Variants in PCDHGA3 observed in about 807,000 individuals in gnomAD.
PCDHGA3 encodes protocadherin gamma-A3.
PCDHGA3 carries 40 observed loss-of-function variants against 58.5 expected under a neutral mutation model. The observed-to-expected ratio is 0.68, with a 90% CI of 0.53 to 0.89. PCDHGA3 has a LOEUF of 0.89. PCDHGA3 is among the 40% of genes least tolerant of loss of function. PCDHGA3 has a pLI of 0.00. For missense variants in PCDHGA3, 1,223 were observed against 1,195.9 expected (o/e 1.02, Z -0.33); for synonymous variants, 530 against 525.7 (o/e 1.01, Z -0.11).
In PCDHGA3 at chr5:141,472,879, G is replaced by A. The variant is rs541980402; in HGVS notation, c.2425-21928G>A. Among the ~76,000 whole-genome samples the A allele has an allele frequency of 3.3e-5, 5 of 151,694 alleles. No homozygotes were observed. The South Asian group carries it at 6.2e-4, about 19-fold the overall frequency. ...CACATGCCTGTATTCCCAGCTACTC[G>A]GGAGGCTGAGGCAGGAGAATTGCTT... On this transcript the variant is annotated intron_variant, in intron 1 of 3. Coordinates refer to ENST00000253812, the MANE Select transcript of PCDHGA3 (RefSeq NM_018916.4).
At chr5:141,464,580 G>A (rs1459502164) in intron 1 of PCDHGA3, among the ~76,000 whole-genome samples, 1 of 152,118 alleles carries the variant, frequency 6.6e-6, no homozygotes, top group East Asian at 1.9e-4. Context: ...AGATGAGAAT[G>A]TCCATTGTCC....
chr5:141,475,705 A>G (rs2099367264), intron 1 of PCDHGA3, among the ~76,000 whole-genome samples: 1 of 152,246 alleles, frequency 6.6e-6, no homozygotes. Flanking sequence ...CAGAACGGCT[A>G]GCCTCACAGC....
At chr5:141,418,752 C>T (rs2096284996) in intron 1 of PCDHGA3, 1 of 1,613,874 alleles carries the variant, frequency 6.2e-7, no homozygotes, top group African/African-American at 1.3e-5. Flanking sequence ...GATTACACTA[C>T]AGGAAACATT....
At chr5:141,409,104 T>C in intron 1 of PCDHGA3, 3 of 1,613,960 alleles carry the variant, frequency 1.9e-6, no homozygotes, top group Non-Finnish European at 2.5e-6. Context: ...ACAGGTATGA[T>C]TAAGAATAAC....
intron 1 of PCDHGA3, chr5:141,398,283 G>A (rs1470207042): frequency 7.2e-7 from 1 of 1,396,846 alleles, no homozygotes; most frequent in East Asian, 2.5e-5. Context: ...ACCTCGCCAC[G>A]GACCTGGGGT....
At chr5:141,359,496 TACTAGATAACTATATTATGGGCC>T (rs1761233589) in intron 1 of PCDHGA3, among the ~76,000 whole-genome samples, 2 of 151,226 alleles carry the variant, frequency 1.3e-5, no homozygotes, top group East Asian at 3.9e-4. Context: ...TATTACGGAC[TACTAGATAACTATATTATGGGCC>T]ACTAGATAAC....
At chr5:141,354,251 A>G (rs1394196546) in intron 1 of PCDHGA3, among the ~76,000 whole-genome samples, 2 of 152,036 alleles carry the variant, frequency 1.3e-5, no homozygotes, top group East Asian at 1.9e-4. Flanking sequence ...TTATTTACCC[A>G]TTGTTTTAGG....
intron 3 of PCDHGA3, among the ~76,000 whole-genome samples, chr5:141,506,444 CA>C (rs1219684339): frequency 0.54 from 51,660 of 95,006 alleles, 10,715 homozygotes; most frequent in African/African-American, 0.61. Context: ...CGCTCTGTCT[CA>C]AAAAAAAAAA....
rs1173771781 is a variant in PCDHGA3 at position 141,486,312 on chromosome 5, G to A, written c.2425-8495G>A. Reference sequence around the variant, plus strand: ...ATCAGTGTGCAGGATCCAGACTCAGGGTCAAACGGAGATGTGAGCCTCCGC... The same window carrying A: ...ATCAGTGTGCAGGATCCAGACTCAGAGTCAAACGGAGATGTGAGCCTCCGC... On this transcript the variant is annotated intron_variant, in intron 1 of 3. Coordinates refer to ENST00000253812, the MANE Select transcript of PCDHGA3 (RefSeq NM_018916.4). The surrounding 1 kb of genome is among the most constrained non-coding windows in gnomAD (Gnocchi z 5.0). The A allele has an allele frequency of 1.2e-6, 2 of 1,613,864 alleles. No individual in the cohort carries two copies. Among genetic ancestry groups the A allele is most frequent in the African/African-American group, 1.3e-5 (1 of 74,842 alleles).
chr5:141,381,844 T>TTTTTTTTC, intron 1 of PCDHGA3, among the ~76,000 whole-genome samples: 1 of 145,182 alleles, frequency 6.9e-6, no homozygotes. Context: ...TTTTTTTTTT[T>TTTTTTTTC]TTTTGGCAGA....
chr5:141,365,803 G>C, intron 1 of PCDHGA3: 6 of 1,613,862 alleles, frequency 3.7e-6, no homozygotes, highest in South Asian at 1.1e-5. Flanking sequence ...CCTACTCCCT[G>C]GCTGAAGACA....
At chr5:141,467,693 G>C (rs543886467) in intron 1 of PCDHGA3, among the ~76,000 whole-genome samples, 49 of 152,108 alleles carry the variant, frequency 3.2e-4, no homozygotes, top group African/African-American at 1.1e-3. Flanking sequence ...ACAGGGTCTG[G>C]CTCTGTTGCC....
At chr5:141,437,445 T>C (rs187869679) in intron 1 of PCDHGA3, among the ~76,000 whole-genome samples, 1 of 152,348 alleles carries the variant, frequency 6.6e-6, no homozygotes, top group East Asian at 1.9e-4. Flanking sequence ...CATAGGAATG[T>C]TGAGGAGACT....
rs200367564 is a variant in PCDHGA3, at chr5:141,346,015, C to T, written c.1982C>T (p.Thr661Ile). 1.3e-3 allele frequency: 2,059 copies of T among 1,612,574 alleles called. 1 individual carries two copies. The highest frequency in any genetic ancestry group is 1.7e-3 in the Non-Finnish European group (1,972 of 1,179,782). The change falls in exon 1 of 4, where the codon ACC becomes ATC. Residue 661 changes from threonine (T) to isoleucine (I), a missense_variant. Around this residue, in one of 3 missense-constraint regions of PCDHGA3, gnomAD observed 107 missense variants for 159.8 expected, o/e 0.67. Coordinates refer to ENST00000253812, the MANE Select transcript of PCDHGA3 (RefSeq NM_018916.4). ...CCTCTCTCCGCCACTGTCACGCTCACCGTGGCCGTGGCCGACAGGATCCCC... is the reference window on the plus strand; with the variant it reads ...CCTCTCTCCGCCACTGTCACGCTCATCGTGGCCGTGGCCGACAGGATCCCC... ...QPPLSATVTL[T>I]VAVADRIPDI...
At position 141,346,354 on chromosome 5, in the gene PCDHGA3, A is replaced by G. The variant is rs373196801; in HGVS notation, c.2321A>G (p.Asn774Ser). The G allele has an allele frequency of 5.6e-6, 9 of 1,614,068 alleles. No individual in the cohort carries two copies. Among genetic ancestry groups the G allele is most frequent in the South Asian group, 3.3e-5 (3 of 91,088 alleles). ...AGCCACCTGATTTTCCCCCAGCCCA[A>G]CTATGCGGACACGCTCATCAGCCAG... ...RKSHLIFPQP[N>S]YADTLISQES... Residue 774 changes from asparagine to serine, a missense_variant, in exon 1 of 4, where the codon AAC (asparagine) becomes AGC (serine). This residue lies in a region of PCDHGA3 where 325 missense variants were observed against 327.5 expected (regional missense o/e 0.99). Transcript: ENST00000253812.
intron 1 of PCDHGA3, chr5:141,366,251 A>T: frequency 6.2e-7 from 1 of 1,613,620 alleles, no homozygotes; most frequent in East Asian, 2.2e-5. Flanking sequence ...GCTCAAGCAG[A>T]GCCTCGTGGT....
At position 141,485,971 on chromosome 5, in the gene PCDHGA3, C is replaced by T; in HGVS notation, c.2425-8836C>T. On this transcript the variant is annotated intron_variant, in intron 1 of 3. Transcript: ENST00000253812. This position sits in a 1 kb window ranked among gnomAD's most constrained non-coding sequence, Gnocchi z 5.7. Reference sequence around the variant, plus strand: ...GCATGGTGCTCATCCAGCTCAATGCCTCAGACCCGGACCTGGGTCCCAGTG... The same window carrying T: ...GCATGGTGCTCATCCAGCTCAATGCTTCAGACCCGGACCTGGGTCCCAGTG... The T allele has an allele frequency of 6.2e-7, 1 of 1,614,196 alleles. No individual in the cohort carries two copies. The highest frequency in any genetic ancestry group is 8.5e-7 in the Non-Finnish European group (1 of 1,180,042).
At chr5:141,421,017 T>TGC (rs1489188484) in intron 1 of PCDHGA3, 1 of 518,776 alleles carries the variant, frequency 1.9e-6, no homozygotes, top group African/African-American at 2.0e-5. Flanking sequence ...AATGGGAAGC[T>TGC]GCGCGCCATT....
chr5:141,410,837 TTTTGTC>T, intron 1 of PCDHGA3: 3 of 501,732 alleles, frequency 6.0e-6, no homozygotes. Context: ...ACTGAAGATA[TTTTGTC>T]TTTGTCTTTT....
Sources: gnomAD v4.1 joint callset for allele counts (sites outside exome capture counted in the v4.1 genomes callset) on GRCh38, gnomAD v4.1.1 for gene constraint, gnomAD v4.1.1 regional missense constraint, Gnocchi (gnomAD v3.1) non-coding constraint, MANE v1.5 for transcripts, NCBI Gene and HGNC (gene_info 2026-07-23, HGNC 2026-07-21) for gene names.